CNOT6L: variants seen among roughly 807,000 people sequenced by gnomAD.
CNOT6L encodes the protein CCR4-NOT transcription complex subunit 6 like.
Under a neutral mutation model 64.0 loss-of-function variants are expected in CNOT6L, and 7 were observed. The ratio of observed to expected loss-of-function variants is 0.11; its 90% CI spans 0.06 to 0.21. The LOEUF (loss-of-function observed/expected upper bound fraction) is 0.21. Ranked by LOEUF, CNOT6L falls within the 10% of genes least tolerant of loss-of-function variation. The probability of loss-of-function intolerance (pLI) is 1.00; values close to 1 mark genes in which losing one functional copy is unlikely to be tolerated. For missense variants in CNOT6L, 245 were observed against 669.0 expected, an observed-to-expected ratio of 0.37 and a Z score of 6.99; for synonymous variants, 193 against 243.4, an observed-to-expected ratio of 0.79 and a Z score of 1.93.
At chr4:77,799,868 T>C (rs1057073770) in intron 1 of CNOT6L, among the ~76,000 whole-genome samples, 1 of 152,156 alleles carries the variant, frequency 6.6e-6, no homozygotes, top group Non-Finnish European at 1.5e-5. Context: ...CATGTTTTAA[T>C]GTGGAAAAAA....
At chr4:77,808,716 C>T (rs905450181) in intron 1 of CNOT6L, among the ~76,000 whole-genome samples, 5 of 152,134 alleles carry the variant, frequency 3.3e-5, no homozygotes, top group Admixed American at 2.0e-4. Context: ...AATTTTTTCC[C>T]TGCCTTTTTT....
At position 77,819,297 on chromosome 4, in the gene CNOT6L, A is replaced by C. The variant is rs1734022142; in HGVS notation, c.5+7T>G. On this transcript the variant is annotated splice_region_variant and intron_variant, in intron 1 of 11. Transcript: ENST00000504123. Reference sequence around the variant, plus strand: ...CGGTCCTACTCGGAGGCAAAAGAACACTCTACCTCATTCTCTTCCTCTGGC... The same window carrying C: ...CGGTCCTACTCGGAGGCAAAAGAACCCTCTACCTCATTCTCTTCCTCTGGC... The C allele has an allele frequency of 6.2e-7, 1 of 1,610,698 alleles. No homozygotes were observed. The highest frequency in any genetic ancestry group is 8.5e-7 in the Non-Finnish European group (1 of 1,178,750).
At chr4:77,772,955 C>A (rs1727746480) in intron 4 of CNOT6L, 126 bp downstream of exon 4, 3 of 640,016 alleles carry the variant, frequency 4.7e-6, no homozygotes, top group East Asian at 6.2e-5. Context: ...ACAAAAACTA[C>A]TTTTCTTTCA....
At chr4:77,760,407 TAAAATG>T (rs1185957472) in intron 4 of CNOT6L, among the ~76,000 whole-genome samples, 4 of 151,970 alleles carry the variant, frequency 2.6e-5, no homozygotes, top group Non-Finnish European at 5.9e-5. Context: ...TGCTTTGAGT[TAAAATG>T]GAAACATGAC....
At chr4:77,744,653 C>A (rs998777566) in intron 7 of CNOT6L, 65 bp downstream of exon 7, 1 of 1,375,574 alleles carries the variant, frequency 7.3e-7, no homozygotes, top group South Asian at 1.6e-5. Context: ...TCCCAGTGGT[C>A]AGATCTTCTC....
intron 4 of CNOT6L, among the ~76,000 whole-genome samples, chr4:77,769,021 C>A (rs1727220799): frequency 6.6e-6 from 1 of 152,088 alleles, no homozygotes; most frequent in South Asian, 2.1e-4. Context: ...TGGAACCAAC[C>A]TAAATATCTA....
intron 1 of CNOT6L, among the ~76,000 whole-genome samples, chr4:77,783,415 A>G (rs536514593): frequency 6.6e-6 from 1 of 152,364 alleles, no homozygotes; most frequent in South Asian, 2.1e-4. Context: ...AAAGCTATAC[A>G]GTATTTTGCT....
chr4:77,762,188 G>A (rs771876752), intron 4 of CNOT6L, among the ~76,000 whole-genome samples: 20 of 152,214 alleles, frequency 1.3e-4, no homozygotes, highest in Admixed American at 5.9e-4. Flanking sequence ...ATAATCCCAT[G>A]ACAAATTTCA....
chr4:77,760,280 CAGG>C (rs1264837392), intron 4 of CNOT6L, among the ~76,000 whole-genome samples: 15 of 151,956 alleles, frequency 9.9e-5, no homozygotes, highest in Admixed American at 2.0e-4. Context: ...CGAGGCTGAA[CAGG>C]AGGATTGCTT....
intron 4 of CNOT6L, among the ~76,000 whole-genome samples, chr4:77,757,996 G>A (rs1290749515): frequency 6.6e-6 from 1 of 152,078 alleles, no homozygotes; most frequent in African/African-American, 2.4e-5. Flanking sequence ...CACTCTGCTT[G>A]GCCTAAACAA....
chr4:77,729,653 C>T (rs541399504), intron 9 of CNOT6L, among the ~76,000 whole-genome samples: 21 of 152,108 alleles, frequency 1.4e-4, no homozygotes, highest in African/African-American at 4.1e-4. Flanking sequence ...GGGTTTTAGA[C>T]TTGGCTTTCT....
At chr4:77,742,030 C>G in intron 8 of CNOT6L, 111 bp downstream of exon 8, 1 of 966,338 alleles carries the variant, frequency 1.0e-6, no homozygotes, top group Non-Finnish European at 1.5e-6. Context: ...TTGCATAATA[C>G]TTGTTTTCTA....
At chr4:77,789,693 G>GT (rs1414031282) in intron 1 of CNOT6L, among the ~76,000 whole-genome samples, 2 of 151,230 alleles carry the variant, frequency 1.3e-5, no homozygotes, top group African/African-American at 4.9e-5. Context: ...GATTATGCCT[G>GT]TAATCCCAGA....
intron 11 of CNOT6L, among the ~76,000 whole-genome samples, chr4:77,723,292 G>C (rs1475788747): frequency 6.6e-6 from 1 of 152,096 alleles, no homozygotes; most frequent in Non-Finnish European, 1.5e-5. Flanking sequence ...ATGAATCTGA[G>C]CTCTAAATAA....
intron 6 of CNOT6L, among the ~76,000 whole-genome samples, chr4:77,747,285 G>T (rs1374499642): frequency 1.3e-5 from 2 of 152,080 alleles, no homozygotes; most frequent in African/African-American, 2.4e-5. Context: ...TCGTGCCTCA[G>T]CCTCCTAAGT....
At chr4:77,742,417 T>G in intron 7 of CNOT6L, 122 bp from the exon 8 acceptor site, 1 of 915,680 alleles carries the variant, frequency 1.1e-6, no homozygotes, top group Non-Finnish European at 1.7e-6. Flanking sequence ...GCAAATATTA[T>G]CTTACTATCT....
chr4:77,819,381 G>C (rs529061546), upstream of CNOT6L: 15 of 1,609,246 alleles, frequency 9.3e-6, no homozygotes, highest in South Asian at 2.2e-5. Flanking sequence ...AAACACGCGC[G>C]CGCGCGCGCA....
At chr4:77,723,816 A>C (rs1721546981) in intron 11 of CNOT6L, among the ~76,000 whole-genome samples, 3 of 152,188 alleles carry the variant, frequency 2.0e-5, no homozygotes, top group Admixed American at 2.0e-4. Flanking sequence ...GCTCAATAGG[A>C]TTTTTGATTC....
chr4:77,756,683 A>G (rs908136521), intron 5 of CNOT6L, among the ~76,000 whole-genome samples, 179 bp downstream of exon 5: 1 of 152,220 alleles, frequency 6.6e-6, no homozygotes, highest in Non-Finnish European at 1.5e-5. Context: ...ATTGCTTGGT[A>G]AATAGAAAAC....
Sources: gnomAD v4.1 joint callset for allele counts (sites outside exome capture counted in the v4.1 genomes callset) on GRCh38, gnomAD v4.1.1 for gene constraint, MANE v1.5 for transcripts, NCBI Gene and HGNC (gene_info 2026-07-23, HGNC 2026-07-21) for gene names.